Variants in CPNE4 observed in about 807,000 individuals in gnomAD.
CPNE4 encodes the protein copine-4.
CPNE4 carries 25 observed loss-of-function variants against 67.9 expected under a neutral mutation model. The observed-to-expected ratio is 0.37, with a 90% CI of 0.27 to 0.51. The LOEUF (loss-of-function observed/expected upper bound fraction) is 0.51, where lower values mean the gene tolerates loss of function less well. Among genes scored for constraint, CPNE4 ranks in the 20% least tolerant of loss-of-function variants. The pLI, the probability that CPNE4 is intolerant of heterozygous loss-of-function variation, is 0.93. For missense variants in CPNE4, 464 were observed against 690.8 expected, an observed-to-expected ratio of 0.67 and a Z score of 3.68; for synonymous variants, 242 against 244.9, an observed-to-expected ratio of 0.99 and a Z score of 0.11.
intron 3 of CPNE4, among the ~76,000 whole-genome samples, chr3:131,701,410 G>A (rs912042197): frequency 1.3e-5 from 2 of 152,232 alleles, no homozygotes; most frequent in Non-Finnish European, 2.9e-5. Flanking sequence ...TGGACCCAGC[G>A]ACTTGCTTCT....
intron 1 of CPNE4, among the ~76,000 whole-genome samples, chr3:131,990,294 A>G (rs1391457660): frequency 7.3e-6 from 1 of 136,458 alleles, no homozygotes; most frequent in Non-Finnish European, 1.7e-5. Context: ...TGTGCAGGCT[A>G]TAGGTTATTT....
chr3:131,670,528 G>C (rs542659458), intron 6 of CPNE4, among the ~76,000 whole-genome samples: 1 of 152,164 alleles, frequency 6.6e-6, no homozygotes, highest in Admixed American at 6.5e-5. Context: ...ATGAGTAGCT[G>C]CTCTGTGCCT....
At chr3:132,031,766 T>A (rs1270855144) in intron 1 of CPNE4, among the ~76,000 whole-genome samples, 2 of 152,210 alleles carry the variant, frequency 1.3e-5, no homozygotes, top group East Asian at 3.8e-4. Context: ...TTCCAAAAGA[T>A]TCAAATACAT....
intron 3 of CPNE4, among the ~76,000 whole-genome samples, chr3:131,702,532 G>C (rs916493678): frequency 6.6e-6 from 1 of 152,102 alleles, no homozygotes; most frequent in Non-Finnish European, 1.5e-5. Flanking sequence ...AACAAATCTG[G>C]TCTCAGAAAT....
chr3:132,020,297 G>A (rs1162532524), intron 1 of CPNE4, among the ~76,000 whole-genome samples: 1 of 152,258 alleles, frequency 6.6e-6, no homozygotes, highest in East Asian at 1.9e-4. Context: ...GAAGGCTGGA[G>A]TGCCTGAGAG....
chr3:131,963,644 C>T (rs543553260), intron 1 of CPNE4, among the ~76,000 whole-genome samples: 7 of 152,150 alleles, frequency 4.6e-5, no homozygotes, highest in Non-Finnish European at 1.0e-4. Context: ...CAAAACTCAC[C>T]GCAGGGCAGC....
chr3:131,855,874 AT>A (rs2086423698), intron 2 of CPNE4, among the ~76,000 whole-genome samples: 1 of 151,984 alleles, frequency 6.6e-6, no homozygotes, highest in African/African-American at 2.4e-5. Flanking sequence ...ATTCTTTCTA[AT>A]AAACAAATAT....
intron 2 of CPNE4, among the ~76,000 whole-genome samples, chr3:131,833,834 A>T (rs1250620053): frequency 2.0e-5 from 3 of 152,210 alleles, no homozygotes; most frequent in Non-Finnish European, 2.9e-5. Context: ...CCCACATTTC[A>T]TGGTGCTTCC....
At chr3:131,995,461 A>G (rs1639126566) in intron 1 of CPNE4, among the ~76,000 whole-genome samples, 1 of 152,088 alleles carries the variant, frequency 6.6e-6, no homozygotes, top group African/African-American at 2.4e-5. Context: ...CAGGAACTCC[A>G]TTCACAAAAC....
At position 131,839,939 on chromosome 3, in the gene CPNE4, T is replaced by C. The variant is rs2085708146; in HGVS notation, c.180+65325A>G. On this transcript the variant is annotated intron_variant, in intron 2 of 15. Transcript: ENST00000429747. Reference sequence around the variant, plus strand: ...TTTTGCAGTTCAATTATCTATCATGTATGAGGCCCTATACGAGGCAATGTC... The same window carrying C: ...TTTTGCAGTTCAATTATCTATCATGCATGAGGCCCTATACGAGGCAATGTC... 1.3e-5 allele frequency among the ~76,000 whole-genome samples: 2 copies of C among 152,214 alleles called. 1 individual carries two copies. The highest frequency in any genetic ancestry group is 2.9e-5 in the Non-Finnish European group (2 of 68,034).
At chr3:131,773,010 C>G (rs2083205846) in intron 2 of CPNE4, among the ~76,000 whole-genome samples, 1 of 152,102 alleles carries the variant, frequency 6.6e-6, no homozygotes, top group South Asian at 2.1e-4. Context: ...TGAACTAACA[C>G]TTGGGTAGAT....
At chr3:131,992,819 G>C (rs1166241665) in intron 1 of CPNE4, among the ~76,000 whole-genome samples, 7 of 135,736 alleles carry the variant, frequency 5.2e-5, no homozygotes, top group African/African-American at 1.7e-4. Flanking sequence ...TAGTGATAGT[G>C]AGTGAGTTCT....
At chr3:131,844,383 C>T (rs2085913623) in intron 2 of CPNE4, among the ~76,000 whole-genome samples, 1 of 151,954 alleles carries the variant, frequency 6.6e-6, no homozygotes, top group Non-Finnish European at 1.5e-5. Flanking sequence ...TCTCCTGCCT[C>T]AGCCTCCTGA....
At chr3:131,754,282 A>G (rs2107802059) in intron 2 of CPNE4, among the ~76,000 whole-genome samples, 1 of 152,286 alleles carries the variant, frequency 6.6e-6, no homozygotes, top group South Asian at 2.1e-4. Flanking sequence ...GAGAAAAACC[A>G]AAAAGGTTAT....
intron 2 of CPNE4, among the ~76,000 whole-genome samples, chr3:131,753,963 A>T (rs1211851149): frequency 6.6e-6 from 1 of 152,132 alleles, no homozygotes; most frequent in Non-Finnish European, 1.5e-5. Context: ...ACCACCATGT[A>T]AAAAATATGA....
intron 4 of CPNE4, among the ~76,000 whole-genome samples, chr3:131,697,876 T>C (rs2081190921): frequency 6.6e-6 from 1 of 152,184 alleles, no homozygotes. Flanking sequence ...AAGTGTTTTC[T>C]AGAAGCTATT....
At chr3:131,602,019 T>C (rs1502667) in intron 7 of CPNE4, among the ~76,000 whole-genome samples, 20,846 of 152,130 alleles carry the variant, frequency 0.14, 2,080 homozygotes, top group African/African-American at 0.28. Flanking sequence ...AGTTTTTATG[T>C]CTAAGAATTT....
chr3:131,914,048 A>C (rs1458340584), intron 1 of CPNE4, among the ~76,000 whole-genome samples: 1 of 152,174 alleles, frequency 6.6e-6, no homozygotes, highest in African/African-American at 2.4e-5. Flanking sequence ...CCCAGCATTT[A>C]ACAATAGGTC....
chr3:131,751,041 C>A (rs2082612996), intron 2 of CPNE4, among the ~76,000 whole-genome samples: 1 of 152,076 alleles, frequency 6.6e-6, no homozygotes, highest in East Asian at 1.9e-4. Flanking sequence ...ACCCTATAGG[C>A]AAAATGTCAT....
Sources: gnomAD v4.1 joint callset for allele counts (sites outside exome capture counted in the v4.1 genomes callset) on GRCh38, gnomAD v4.1.1 for gene constraint, MANE v1.5 for transcripts, NCBI Gene and HGNC (gene_info 2026-07-23, HGNC 2026-07-21) for gene names.